BCO2: variants seen among roughly 807,000 people sequenced by gnomAD.
BCO2 encodes carotenoid-cleaving dioxygenase, mitochondrial.
Under a neutral mutation model 65.8 loss-of-function variants are expected in BCO2, and 56 were observed. The ratio of observed to expected loss-of-function variants is 0.85; its 90% CI spans 0.69 to 1.06. The LOEUF (loss-of-function observed/expected upper bound fraction) is 1.06, where lower values mean the gene tolerates loss of function less well. BCO2 is among the 50% of genes least tolerant of loss of function. The pLI is 0.00. For synonymous variants in BCO2, 233 were observed against 242.3 expected (o/e 0.96, Z 0.36); for missense variants, 675 against 698.5 (o/e 0.97, Z 0.38).
In BCO2 at chr11:112,175,649, T is replaced by G. The variant is rs1866862730; in HGVS notation, c.48T>G (p.Thr16=). The change falls in exon 1 of 12, where the codon ACT becomes ACG. Residue 16 remains threonine (T), a synonymous_variant. Coordinates refer to ENST00000357685, the MANE Select transcript of BCO2 (RefSeq NM_031938.7). ...ATTTTATCAGGAGTCATTCTGCCAC[T>G]GCAGTGGATTTCCTTCCTGTGATGG... ...FLHFIRSHSA[T]AVDFLPVMVH... is the part of the protein sequence containing the mutation. 6.2e-7 allele frequency: 1 copy of G among 1,614,160 alleles called. No homozygotes were observed. The highest frequency in any genetic ancestry group is 1.7e-5 in the Admixed American group (1 of 60,028).
chr11:112,214,001 T>A, intron 9 of BCO2, 140 bp downstream of exon 9: 1 of 650,134 alleles, frequency 1.5e-6, no homozygotes, highest in East Asian at 2.8e-5. Context: ...TAACATCGCT[T>A]GCACAAGAAT....
chr11:112,178,777 A>G (rs531020852), intron 1 of BCO2, among the ~76,000 whole-genome samples: 2 of 152,346 alleles, frequency 1.3e-5, no homozygotes, highest in African/African-American at 4.8e-5. Flanking sequence ...AATTAAATTT[A>G]AGATCTTATT....
intron 2 of BCO2, among the ~76,000 whole-genome samples, chr11:112,189,906 G>A (rs1867322507): frequency 6.6e-6 from 1 of 152,080 alleles, no homozygotes. Flanking sequence ...TTTTATAAAG[G>A]AAGCATCATA....
In BCO2 at chr11:112,199,737, G is replaced by C; in HGVS notation, c.775G>C (p.Val259Leu). Residue 259 changes from valine (V) to leucine (L), a missense_variant, in exon 6 of 12, where the codon GTG (valine) becomes CTG (leucine). Coordinates refer to ENST00000357685, the MANE Select transcript of BCO2 (RefSeq NM_031938.7). The stretch of plus-strand genomic sequence containing the variant: ...GGTTATTCGGGTTCCTCCAGAGAAG[G>C]TGGACCTTGGGGAGACAATCCATGG... The part of the protein sequence containing the change: ...YKVIRVPPEK[V>L]DLGETIHGVQ... 1 of 1,613,830 alleles carries C rather than the reference G, an allele frequency of 6.2e-7. No homozygotes were observed. The highest frequency in any genetic ancestry group is 1.7e-5 in the Admixed American group (1 of 60,010).
chr11:112,200,124 T>G (rs1363740644), intron 6 of BCO2, among the ~76,000 whole-genome samples: 1 of 152,206 alleles, frequency 6.6e-6, no homozygotes, highest in Admixed American at 6.5e-5. Flanking sequence ...TAATCATACA[T>G]GAAAATGTTG....
intron 2 of BCO2, among the ~76,000 whole-genome samples, chr11:112,186,175 T>C (rs1566771661): frequency 6.6e-6 from 1 of 152,204 alleles, no homozygotes; most frequent in Non-Finnish European, 1.5e-5. Context: ...ATAAACAGCC[T>C]CTTACAGAGG....
chr11:112,198,108 C>T (rs1354456722), intron 5 of BCO2, among the ~76,000 whole-genome samples: 2 of 152,124 alleles, frequency 1.3e-5, no homozygotes, highest in Non-Finnish European at 2.9e-5. Context: ...TCATTGTCAT[C>T]TGATACATTG....
chr11:112,192,694 TA>T (rs1339090413), intron 2 of BCO2, among the ~76,000 whole-genome samples: 1 of 148,572 alleles, frequency 6.7e-6, no homozygotes, highest in East Asian at 2.0e-4. Context: ...TTTTTTTTTT[TA>T]ATGAGACGGG....
intron 1 of BCO2, among the ~76,000 whole-genome samples, 188 bp from the exon 2 acceptor site, chr11:112,179,090 A>G (rs934185211): frequency 6.6e-6 from 1 of 151,952 alleles, no homozygotes; most frequent in African/African-American, 2.4e-5. Context: ...TGGGTTGAAA[A>G]TGGAGAACCA....
At chr11:112,211,534 C>A (rs1235634805) in intron 8 of BCO2, among the ~76,000 whole-genome samples, 1 of 152,166 alleles carries the variant, frequency 6.6e-6, no homozygotes. Flanking sequence ...TTTTGAGGAA[C>A]AACCAAACTA....
Position 112,212,892 on chromosome 11 carries a change from C to G in BCO2, c.1195-832C>G, listed in dbSNP as rs186007467. ...TTAAGGACTGGCACATGCAAGAACA[C>G]TCTTATCAGACAGAACATCCCAAGA... On this transcript the variant is annotated intron_variant, in intron 8 of 11. Transcript: ENST00000357685. Among the ~76,000 whole-genome samples the G allele has an allele frequency of 3.5e-3, 527 of 152,292 alleles. 4 individuals carry two copies. The highest frequency in any genetic ancestry group is 5.2e-3 in the Non-Finnish European group (351 of 68,026).
At chr11:112,182,185 A>C (rs1024134326) in intron 2 of BCO2, among the ~76,000 whole-genome samples, 5 of 152,190 alleles carry the variant, frequency 3.3e-5, no homozygotes, top group Non-Finnish European at 4.4e-5. Flanking sequence ...GGCGATCATT[A>C]AAAAGTCAGG....
At chr11:112,188,539 A>T in intron 2 of BCO2, among the ~76,000 whole-genome samples, 1 of 152,072 alleles carries the variant, frequency 6.6e-6, no homozygotes, top group East Asian at 1.9e-4. Flanking sequence ...TGTTTCTCCA[A>T]CATTATCACC....
chr11:112,200,895 A>G, intron 7 of BCO2, 122 bp downstream of exon 7: 1 of 1,047,256 alleles, frequency 9.5e-7, no homozygotes, highest in Non-Finnish European at 1.4e-6. Context: ...AATCAAGGAT[A>G]TTACCTTCTT....
At chr11:112,182,125 G>T (rs1566767502) in intron 2 of BCO2, among the ~76,000 whole-genome samples, 1 of 152,206 alleles carries the variant, frequency 6.6e-6, no homozygotes, top group Non-Finnish European at 1.5e-5. Context: ...GGCCATCAGA[G>T]AAATGCAAAT....
intron 6 of BCO2, 125 bp from the exon 7 acceptor site, chr11:112,200,488 T>C (rs756330455): frequency 7.9e-5 from 60 of 756,236 alleles, no homozygotes; most frequent in Non-Finnish European, 1.1e-4. Context: ...CATGTATTTC[T>C]GGCTGGCATT....
intron 8 of BCO2, among the ~76,000 whole-genome samples, chr11:112,212,591 G>C (rs1026952151): frequency 5.3e-5 from 8 of 152,174 alleles, no homozygotes; most frequent in Admixed American, 2.0e-4. Context: ...GAGGAAACCA[G>C]GTACATGCTT....
chr11:112,193,035 T>A (rs977979457), intron 2 of BCO2, among the ~76,000 whole-genome samples: 1 of 142,968 alleles, frequency 7.0e-6, no homozygotes, highest in Non-Finnish European at 1.5e-5. Context: ...TGAAGTGCAG[T>A]GGCGCGATCT....
At chr11:112,192,680 T>TC (rs202191028) in intron 2 of BCO2, among the ~76,000 whole-genome samples, 101 of 147,170 alleles carry the variant, frequency 6.9e-4, no homozygotes, top group African/African-American at 2.3e-3. Context: ...TTTCTTTCTT[T>TC]TTTTTTTTTT....
Sources: allele counts gnomAD v4.1 joint callset (sites outside exome capture counted in the v4.1 genomes callset), GRCh38; gene constraint gnomAD v4.1.1; transcripts MANE v1.5; gene names NCBI Gene and HGNC (gene_info 2026-07-23, HGNC 2026-07-21).